Variants in MIA3 observed in about 807,000 individuals in gnomAD.
MIA3 encodes MIA SH3 domain ER export factor 3.
In MIA3, 90 loss-of-function variants were observed where a neutral mutation model predicts 192.4. That is an observed-to-expected ratio of 0.47 (90% CI 0.39 to 0.56). MIA3 has a LOEUF of 0.56. MIA3 is among the 20% of genes least tolerant of loss of function. The pLI, the probability that MIA3 is intolerant of heterozygous loss-of-function variation, is 0.00. For synonymous variants in MIA3, 740 were observed against 792.8 expected, an observed-to-expected ratio of 0.93 and a Z score of 1.12; for missense variants, 2,123 against 2,269.4, an observed-to-expected ratio of 0.94 and a Z score of 1.31.
chr1:222,658,667 C>T, intron 18 of MIA3, 55 bp from the exon 19 acceptor site: 8 of 1,263,682 alleles, frequency 6.3e-6, no homozygotes, highest in Non-Finnish European at 9.0e-6. Context: ...AGTATTCAGA[C>T]AGAATGCCAG....
chr1:222,651,733 A>G (rs944357023), intron 11 of MIA3, among the ~76,000 whole-genome samples: 1 of 151,744 alleles, frequency 6.6e-6, no homozygotes, highest in African/African-American at 2.4e-5. Flanking sequence ...CTGGTCATCT[A>G]CCACATTTTA....
Position 222,629,805 on chromosome 1 carries a change from T to G in MIA3, c.2585T>G (p.Leu862Arg). ...YLKNDNPEEH[L>R]KTSGLAGEPE... is the part of the protein sequence containing the mutation. ...AAGAACGACAACCCTGAGGAACATC[T>G]GAAGACCTCAGGGCTTGCAGGGGAG... The change falls in exon 4 of 28, where the codon CTG becomes CGG. Residue 862 changes from leucine (L) to arginine (R), a missense_variant. Physicochemically the swap from Leu to Arg is moderately radical, Grantham distance 102 (BLOSUM62 -2). Transcript: ENST00000344922. 6.2e-7 allele frequency: 1 copy of G among 1,613,962 alleles called. No homozygotes were observed. Among genetic ancestry groups the G allele is most frequent in the African/African-American group, 1.3e-5 (1 of 74,998 alleles).
Position 222,654,227 on chromosome 1 carries a change from GC to G in MIA3, c.4322-14del, listed in dbSNP as rs749903366. 9.9e-6 allele frequency: 16 copies of G among 1,611,036 alleles called. No individual in the cohort carries two copies. In the South Asian group the frequency reaches 1.8e-4, roughly 18 times the overall value. Reference sequence around the variant, plus strand: ...AGGGAAGAAAAAGCAATGAAAGAAAGCCTTTTGTTTTTTAGGTGACCGGAAT... The same window carrying G: ...AGGGAAGAAAAAGCAATGAAAGAAAGCTTTTGTTTTTTAGGTGACCGGAAT... On this transcript the variant is annotated splice_polypyrimidine_tract_variant and intron_variant, in intron 15 of 27. Coordinates refer to ENST00000344922, the MANE Select transcript of MIA3 (RefSeq NM_198551.4).
chr1:222,662,506 T>C lies in MIA3; in HGVS notation c.5262+174T>C. ...AGTCCCCTCAGTTCCCAGCATTACA[T>C]CTTTGGCTGAGCGTCCAGTAGCAGT... On this transcript the variant is annotated intron_variant, in intron 26 of 27. Transcript: ENST00000344922. 3 of 1,422,994 alleles carry C rather than the reference T, an allele frequency of 2.1e-6. No homozygotes were observed. In the Admixed American group the frequency reaches 8.2e-5, roughly 39 times the overall value. 88.1% of individuals were successfully genotyped at this position (1,422,994 alleles called of 1,614,324 possible).
chr1:222,624,864 G>A lies in MIA3; in HGVS notation c.354+10G>A. The A allele has an allele frequency of 6.6e-7, 1 of 1,509,872 alleles. No homozygotes were observed. The highest frequency in any genetic ancestry group is 1.9e-4 in the Middle Eastern group (1 of 5,236). The allele number at this position is 1,509,872 out of a possible 1,614,324, so 93.5% of individuals were successfully genotyped here. A position where few individuals can be genotyped will look rare whatever the true frequency, so the allele number is the denominator to read the frequency against. On this transcript the variant is annotated intron_variant, in intron 3 of 27. Coordinates refer to ENST00000344922, the MANE Select transcript of MIA3 (RefSeq NM_198551.4). ...ACAAGTTCCAACAGATGTAAGTTGT[G>A]GATTTCTGTCTTGTTCTCAGTTATA...
At chr1:222,652,952 A>C (rs148025874) in intron 13 of MIA3, 56 bp from the exon 14 acceptor site, 4 of 1,568,766 alleles carry the variant, frequency 2.5e-6, no homozygotes, top group East Asian at 2.3e-5. Context: ...ATGTGGTCCT[A>C]ATGTCTCCAG....
chr1:222,620,307 A>G (rs991475968), intron 1 of MIA3, among the ~76,000 whole-genome samples: 3 of 152,376 alleles, frequency 2.0e-5, no homozygotes, highest in Non-Finnish European at 4.4e-5. Flanking sequence ...CAACAAAAAT[A>G]AAAGTACTGC....
rs73124819 is a variant in MIA3 at position 222,631,252 on chromosome 1, G to A, written c.3169+863G>A. 4.6e-3 allele frequency among the ~76,000 whole-genome samples: 706 copies of A among 151,972 alleles called. 4 individuals carry two copies. Among genetic ancestry groups the A allele is most frequent in the African/African-American group, 0.016 (669 of 41,444 alleles). On this transcript the variant is annotated intron_variant, in intron 4 of 27. Transcript: ENST00000344922. The stretch of plus-strand genomic sequence containing the variant: ...ACCTCCCATCTCAGCCTCCTAAGTG[G>A]CTAGGACTACAGGCATGCATCACTG...
In MIA3 at chr1:222,627,852, C is replaced by T; in HGVS notation, c.632C>T (p.Ser211Phe). 6.2e-7 allele frequency: 1 copy of T among 1,614,058 alleles called. No homozygotes were observed. Among genetic ancestry groups the T allele is most frequent in the East Asian group, 2.2e-5 (1 of 44,874 alleles). The change falls in exon 4 of 28, where the codon TCC (serine) becomes TTC (phenylalanine). Residue 211 changes from serine (S) to phenylalanine (F), a missense_variant. Transcript: ENST00000344922. Reference protein sequence around the residue: ...QEQFTTQKHHSHANSQANHAQ... With the variant: ...QEQFTTQKHHFHANSQANHAQ... The stretch of plus-strand genomic sequence containing the variant: ...CAGTTTACAACTCAGAAGCACCACT[C>T]CCATGCAAACAGCCAAGCAAATCAT...
intron 24 of MIA3, chr1:222,660,663 C>G (rs913830391): frequency 3.4e-5 from 6 of 176,856 alleles, no homozygotes; most frequent in Admixed American, 3.0e-4. Flanking sequence ...AGATTTTTTT[C>G]AAAAAATATT....
chr1:222,647,572 A>C (rs1193544136), intron 7 of MIA3, among the ~76,000 whole-genome samples: 1 of 152,220 alleles, frequency 6.6e-6, no homozygotes, highest in African/African-American at 2.4e-5. Flanking sequence ...TCAGATAAAA[A>C]GGGAGAATCA....
chr1:222,644,456 G>T (rs1252967372), intron 6 of MIA3: 1 of 1,550,526 alleles, frequency 6.4e-7, no homozygotes, highest in Non-Finnish European at 8.7e-7. Context: ...ATTGTCGCTT[G>T]CGTTCAGCTG....
intron 6 of MIA3, among the ~76,000 whole-genome samples, chr1:222,638,087 C>T (rs984849810): frequency 6.6e-6 from 1 of 152,110 alleles, no homozygotes; most frequent in African/African-American, 2.4e-5. Context: ...AAGTTATGAA[C>T]ATCATCATTA....
In MIA3 at chr1:222,659,605, T is replaced by A. The variant is rs1018650752; in HGVS notation, c.4771-17T>A. On this transcript the variant is annotated splice_polypyrimidine_tract_variant and intron_variant, in intron 20 of 27. Coordinates refer to ENST00000344922, the MANE Select transcript of MIA3 (RefSeq NM_198551.4). ...ATGAATCTGTATGCATATTTTGTGA[T>A]GTATTATCTTTTTCAGATCGCTACC... The A allele has an allele frequency of 6.2e-7, 1 of 1,613,730 alleles. No individual in the cohort carries two copies. Among genetic ancestry groups the A allele is most frequent in the Non-Finnish European group, 8.5e-7 (1 of 1,179,762 alleles).
intron 18 of MIA3, 86 bp from the exon 19 acceptor site, chr1:222,658,636 T>C (rs913216792): frequency 1.1e-6 from 1 of 884,552 alleles, no homozygotes; most frequent in African/African-American, 1.7e-5. Context: ...AAGAATAGGA[T>C]AGGAAGTGAG....
intron 11 of MIA3, 33 bp from the exon 12 acceptor site, chr1:222,651,944 A>G (rs779888033): frequency 5.1e-6 from 6 of 1,183,758 alleles, no homozygotes; most frequent in Non-Finnish European, 6.3e-6. Context: ...TAAAATCCTA[A>G]TATGCATTTT....
Position 222,658,783 on chromosome 1 carries a change from G to GA in MIA3, c.4673dup (p.Ala1559GlyfsTer16). ...AGAGCACAGGCTGTCAGCTGCAGAT[G>GA]AAAAGGCAGTTTCGGCTGCAGAGGA... On this transcript the variant is annotated frameshift_variant, in exon 19 of 28. Transcript: ENST00000344922. LOFTEE classifies it high-confidence loss of function. The GA allele has an allele frequency of 6.2e-7, 1 of 1,613,404 alleles. No individual in the cohort carries two copies. Among genetic ancestry groups the GA allele is most frequent in the Non-Finnish European group, 8.5e-7 (1 of 1,179,620 alleles).
chr1:222,633,075 A>G, intron 5 of MIA3, 29 bp from the exon 6 acceptor site: 1 of 1,568,148 alleles, frequency 6.4e-7, no homozygotes, highest in Non-Finnish European at 8.6e-7. Context: ...TCTAAAGCAC[A>G]AAATGTCTAT....
chr1:222,637,016 A>G (rs1405424925), intron 6 of MIA3, among the ~76,000 whole-genome samples: 1 of 152,136 alleles, frequency 6.6e-6, no homozygotes, highest in Admixed American at 6.5e-5. Context: ...AGGGGTCACA[A>G]TTGTGTGCTG....
Sources: allele counts gnomAD v4.1 joint callset (sites outside exome capture counted in the v4.1 genomes callset), GRCh38; gene constraint gnomAD v4.1.1; transcripts MANE v1.5; gene names NCBI Gene and HGNC (gene_info 2026-07-23, HGNC 2026-07-21).